Variants in SAPCD1 observed in about 807,000 individuals in gnomAD.
SAPCD1 encodes the protein suppressor APC domain containing 1.
Under a neutral mutation model 20.7 loss-of-function variants are expected in SAPCD1, and 16 were observed. The ratio of observed to expected loss-of-function variants is 0.77; its 90% CI spans 0.52 to 1.17. The LOEUF is 1.17. Ranked by LOEUF, SAPCD1 falls within the 50% of genes most tolerant of loss-of-function variation. SAPCD1 has a pLI of 0.00. For synonymous variants in SAPCD1, 77 were observed against 84.8 expected (o/e 0.91, Z 0.50); for missense variants, 173 against 209.9 (o/e 0.82, Z 1.09).
At position 31,764,564 on chromosome 6, in the gene SAPCD1, G is replaced by C. The variant is rs1480505274; in HGVS notation, c.*33G>C. 6.7e-7 allele frequency: 1 copy of C among 1,491,794 alleles called. No homozygotes were observed. Among genetic ancestry groups the C allele is most frequent in the East Asian group, 2.3e-5 (1 of 44,118 alleles). 92.4% of individuals were successfully genotyped at this position (1,491,794 alleles called of 1,614,324 possible). On this transcript the variant is annotated 3_prime_UTR_variant, in exon 5 of 5. Coordinates refer to ENST00000415669, the Ensembl canonical transcript of SAPCD1. The surrounding 1 kb of genome is among the most constrained non-coding windows in gnomAD (Gnocchi z 4.7). ...TCTCACTCCCCTAAGCCTGGTGAAA[G>C]AGTCAGAAGCCCCAGGCTCCTTTTT...
Position 31,763,451 on chromosome 6 carries a change from GC to G in SAPCD1, c.154del (p.Leu52CysfsTer19), listed in dbSNP as rs1811213389. On this transcript the variant is annotated frameshift_variant, in exon 2 of 5. Transcript: ENST00000415669. LOFTEE classifies it high-confidence loss of function. The surrounding 1 kb of genome is among the most constrained non-coding windows in gnomAD (Gnocchi z 4.9). ...GCAGGCTCTGGAGAGAGAACAGGAT[GC>G]CCTGTGGCAGGGTCTGGAGCTGCTA... 1 of 1,613,070 alleles carries G rather than the reference GC, an allele frequency of 6.2e-7. No homozygotes were observed. Among genetic ancestry groups the G allele is most frequent in the Non-Finnish European group, 8.5e-7 (1 of 1,180,024 alleles).
chr6:31,762,985 A>G, upstream of SAPCD1: 1 of 791,096 alleles, frequency 1.3e-6, no homozygotes, highest in Non-Finnish European at 2.0e-6. Flanking sequence ...GGTGCAAGGC[A>G]GGGGTGGAGG....
Position 31,764,322 on chromosome 6 carries a change from A to G in SAPCD1, c.408A>G (p.Glu136=). ...CCTGCACCACCCAGGATTCAAAGGA[A>G]AGACGAAGGGAGCAGAACTTGTGGC... Residue 136 remains glutamate, a synonymous_variant, in exon 4 of 5, where the codon GAA becomes GAG. Coordinates refer to ENST00000415669, the Ensembl canonical transcript of SAPCD1. This position sits in a 1 kb window ranked among gnomAD's most constrained non-coding sequence, Gnocchi z 4.7. The G allele has an allele frequency of 6.2e-7, 1 of 1,614,220 alleles. No homozygotes were observed. Among genetic ancestry groups the G allele is most frequent in the Non-Finnish European group, 8.5e-7 (1 of 1,180,022 alleles).
rs762511877 is a variant in SAPCD1 at position 31,764,560 on chromosome 6, G to C, written c.*29G>C. The C allele has an allele frequency of 6.7e-7, 1 of 1,501,316 alleles. No individual in the cohort carries two copies. The highest frequency in any genetic ancestry group is 1.4e-5 in the African/African-American group (1 of 71,680). 93.0% of individuals were successfully genotyped at this position (1,501,316 alleles called of 1,614,324 possible). ...CTCCTCTCACTCCCCTAAGCCTGGT[G>C]AAAGAGTCAGAAGCCCCAGGCTCCT... On this transcript the variant is annotated 3_prime_UTR_variant, in exon 5 of 5. Coordinates refer to ENST00000415669, the Ensembl canonical transcript of SAPCD1. The surrounding 1 kb of genome is among the most constrained non-coding windows in gnomAD (Gnocchi z 4.7).
Position 31,764,195 on chromosome 6 carries a change from G to T in SAPCD1, c.351+36G>T, listed in dbSNP as rs774821253. The stretch of plus-strand genomic sequence containing the variant: ...TGTTTTCAGTTTAGACTTTTGGGAA[G>T]TTGGACTAGAGAGGGGAGTTGTTGG... On this transcript the variant is annotated intron_variant, in intron 3 of 4. Transcript: ENST00000415669. The surrounding 1 kb of genome is among the most constrained non-coding windows in gnomAD (Gnocchi z 4.7). 132 of 1,604,532 alleles carry T rather than the reference G, an allele frequency of 8.2e-5. No individual in the cohort carries two copies. The highest frequency in any genetic ancestry group is 1.0e-4 in the Non-Finnish European group (122 of 1,171,380).
rs1012995215 is a variant in SAPCD1, at chr6:31,763,963, C to T, written c.256-101C>T. 6.0e-5 allele frequency: 49 copies of T among 817,290 alleles called. No homozygotes were observed. In the East Asian group the frequency reaches 1.0e-3, roughly 17 times the overall value. 50.6% of individuals were successfully genotyped at this position (817,290 alleles called of 1,614,324 possible). On this transcript the variant is annotated intron_variant, in intron 2 of 4. Coordinates refer to ENST00000415669, the Ensembl canonical transcript of SAPCD1. The surrounding 1 kb of genome is among the most constrained non-coding windows in gnomAD (Gnocchi z 4.9). ...CCACCTGCCTGGGAGGGTACTGGGA[C>T]GAGGGGATCCAGATGAGAGGGATGG...
chr6:31,763,969 G>T lies in SAPCD1; in HGVS notation c.256-95G>T. Reference sequence around the variant, plus strand: ...GCCTGGGAGGGTACTGGGACGAGGGGATCCAGATGAGAGGGATGGCCTGTG... The same window carrying T: ...GCCTGGGAGGGTACTGGGACGAGGGTATCCAGATGAGAGGGATGGCCTGTG... On this transcript the variant is annotated intron_variant, in intron 2 of 4. Transcript: ENST00000415669. The surrounding 1 kb of genome is among the most constrained non-coding windows in gnomAD (Gnocchi z 4.9). 1.2e-6 allele frequency: 1 copy of T among 852,382 alleles called. No homozygotes were observed. The highest frequency in any genetic ancestry group is 2.0e-6 in the Non-Finnish European group (1 of 496,592). The allele number at this position is 852,382 out of a possible 1,614,324, so 52.8% of individuals were successfully genotyped here. A position where few individuals can be genotyped will look rare whatever the true frequency, so the allele number is the denominator to read the frequency against.
chr6:31,764,626 G>A lies in SAPCD1; in HGVS notation c.*95G>A. On this transcript the variant is annotated 3_prime_UTR_variant, in exon 5 of 5. Coordinates refer to ENST00000415669, the Ensembl canonical transcript of SAPCD1. This position sits in a 1 kb window ranked among gnomAD's most constrained non-coding sequence, Gnocchi z 4.7. ...CTCAACAGCTAAAAAATGGCTCCAG[G>A]TAGTGAGTCAATGAAGTTCAGACAT... 3.7e-6 allele frequency: 3 copies of A among 812,612 alleles called. No individual in the cohort carries two copies. Among genetic ancestry groups the A allele is most frequent in the Non-Finnish European group, 5.9e-6 (3 of 508,850 alleles). 50.3% of individuals were successfully genotyped at this position (812,612 alleles called of 1,614,324 possible).
At position 31,764,210 on chromosome 6, in the gene SAPCD1, G is replaced by A. The variant is rs761501090; in HGVS notation, c.351+51G>A. ...CTTTTGGGAAGTTGGACTAGAGAGGGGAGTTGTTGGGGTCAGTGCTGGCTT... is the reference window on the plus strand; with the variant it reads ...CTTTTGGGAAGTTGGACTAGAGAGGAGAGTTGTTGGGGTCAGTGCTGGCTT... On this transcript the variant is annotated intron_variant, in intron 3 of 4. Transcript: ENST00000415669. The surrounding 1 kb of genome is among the most constrained non-coding windows in gnomAD (Gnocchi z 4.7). 1 of 1,598,778 alleles carries A rather than the reference G, an allele frequency of 6.3e-7. No homozygotes were observed. The highest frequency in any genetic ancestry group is 8.6e-7 in the Non-Finnish European group (1 of 1,165,962).
Position 31,764,074 on chromosome 6 carries a change from C to G in SAPCD1, c.266C>G (p.Thr89Arg), listed in dbSNP as rs772054465. 2 of 1,612,524 alleles carry G rather than the reference C, an allele frequency of 1.2e-6. No individual in the cohort carries two copies. Among genetic ancestry groups the G allele is most frequent in the Middle Eastern group, 1.7e-4 (1 of 6,054 alleles). ...CAACTCCTCCTCTAGAATTTTCTAA[C>G]AGATTTACACTCAGAGCCTGGTCGC... The change falls in exon 3 of 5, where the codon ACA becomes AGA. Residue 89 changes from threonine (T) to arginine (R), a missense_variant. By Grantham distance (71) the Thr-to-Arg change is moderately conservative. Transcript: ENST00000415669. The surrounding 1 kb of genome is among the most constrained non-coding windows in gnomAD (Gnocchi z 4.7).
Position 31,764,653 on chromosome 6 carries a change from T to C in SAPCD1, c.*122T>C. On this transcript the variant is annotated 3_prime_UTR_variant, in exon 5 of 5. Coordinates refer to ENST00000415669, the Ensembl canonical transcript of SAPCD1. The surrounding 1 kb of genome is among the most constrained non-coding windows in gnomAD (Gnocchi z 4.7). ...AGTGAGTCAATGAAGTTCAGACATG[T>C]TGGTGTAAAGTTTCTCCTCTGCTCC... 1.5e-6 allele frequency: 1 copy of C among 671,670 alleles called. No individual in the cohort carries two copies. 41.6% of individuals were successfully genotyped at this position (671,670 alleles called of 1,614,324 possible). A position where few individuals can be genotyped will look rare whatever the true frequency, so the allele number is the denominator to read the frequency against.
chr6:31,763,227 T>C lies in SAPCD1; in HGVS notation c.114+59T>C, dbSNP rs1307727320. ...ACTCTCTCAATAGATCTGCCCTTTA[T>C]ATTTCCATTCAACTTGAGGGCCCAC... On this transcript the variant is annotated intron_variant, in intron 1 of 4. Transcript: ENST00000415669. The surrounding 1 kb of genome is among the most constrained non-coding windows in gnomAD (Gnocchi z 4.9). The C allele has an allele frequency of 1.6e-6, 2 of 1,226,038 alleles. No individual in the cohort carries two copies. The highest frequency in any genetic ancestry group is 2.3e-6 in the Non-Finnish European group (2 of 864,294). The allele number at this position is 1,226,038 out of a possible 1,614,324, so 75.9% of individuals were successfully genotyped here.
Position 31,763,343 on chromosome 6 carries a change from G to A in SAPCD1, c.115-72G>A. ...GACCACACAGTGAACCCAACTAGGG[G>A]TGGAGAGAAAGGGCCATAACCCAGA... On this transcript the variant is annotated intron_variant, in intron 1 of 4. Coordinates refer to ENST00000415669, the Ensembl canonical transcript of SAPCD1. The surrounding 1 kb of genome is among the most constrained non-coding windows in gnomAD (Gnocchi z 4.9). The A allele has an allele frequency of 6.3e-7, 1 of 1,592,982 alleles. No homozygotes were observed.
chr6:31,762,786 G>GA, upstream of SAPCD1: 1 of 546,128 alleles, frequency 1.8e-6, no homozygotes, highest in East Asian at 3.0e-5. Flanking sequence ...TGTTGTTGCT[G>GA]TAGGAAGACT....
At chr6:31,762,941 G>C (rs1811155767), upstream of SAPCD1, 2 of 611,422 alleles carry the variant, frequency 3.3e-6, no homozygotes, top group Non-Finnish European at 5.8e-6. Flanking sequence ...AGACACAGCA[G>C]GAAGGGGCCT....
rs1194847535 is a variant in SAPCD1, at chr6:31,763,531, G to A, written c.231G>A (p.Gln77=). ...ATCTGAGGGAGGCACAGCGACAGCA[G>A]CTGCATCTAGGGGCCCTTGGTGAGG... Residue 77 remains glutamine (Q), a synonymous_variant, in exon 2 of 5, where the codon CAG becomes CAA. Transcript: ENST00000415669. This position sits in a 1 kb window ranked among gnomAD's most constrained non-coding sequence, Gnocchi z 4.9. 1.2e-6 allele frequency: 2 copies of A among 1,612,482 alleles called. No individual in the cohort carries two copies. Among genetic ancestry groups the A allele is most frequent in the South Asian group, 1.1e-5 (1 of 91,062 alleles).
rs570215398 is a variant in SAPCD1 at position 31,764,340 on chromosome 6, C to T, written c.426C>T (p.Asn142=). The change falls in exon 4 of 5, where the codon AAC becomes AAT. Residue 142 remains asparagine (N), a synonymous_variant. Transcript: ENST00000415669. This position sits in a 1 kb window ranked among gnomAD's most constrained non-coding sequence, Gnocchi z 4.7. ...CAAAGGAAAGACGAAGGGAGCAGAA[C>T]TTGTGGCAGCAACAGGTAAACTTCA... 1 of 1,614,112 alleles carries T rather than the reference C, an allele frequency of 6.2e-7. No individual in the cohort carries two copies. The highest frequency in any genetic ancestry group is 1.1e-5 in the South Asian group (1 of 91,082).
Position 31,763,290 on chromosome 6 carries a change from C to T in SAPCD1, c.114+122C>T. 7.3e-7 allele frequency: 1 copy of T among 1,361,294 alleles called. No individual in the cohort carries two copies. The highest frequency in any genetic ancestry group is 1.0e-6 in the Non-Finnish European group (1 of 968,152). 84.3% of individuals were successfully genotyped at this position (1,361,294 alleles called of 1,614,324 possible). ...TGCCTCCCCTTGCCCTCCAGGTCCT[C>T]AGTGGCCAGTCTGGGTTCACACTCA... On this transcript the variant is annotated intron_variant, in intron 1 of 4. Coordinates refer to ENST00000415669, the Ensembl canonical transcript of SAPCD1. This position sits in a 1 kb window ranked among gnomAD's most constrained non-coding sequence, Gnocchi z 4.9.
At position 31,763,261 on chromosome 6, in the gene SAPCD1, C is replaced by T. The variant is rs1811198248; in HGVS notation, c.114+93C>T. 3 of 1,225,282 alleles carry T rather than the reference C, an allele frequency of 2.4e-6. No individual in the cohort carries two copies. Among genetic ancestry groups the T allele is most frequent in the Non-Finnish European group, 3.5e-6 (3 of 855,724 alleles). The allele number at this position is 1,225,282 out of a possible 1,614,324, so 75.9% of individuals were successfully genotyped here. ...TCAACTTGAGGGCCCACAGTGTTCC[C>T]GCCTGCCTCCCCTTGCCCTCCAGGT... On this transcript the variant is annotated intron_variant, in intron 1 of 4. Transcript: ENST00000415669. The surrounding 1 kb of genome is among the most constrained non-coding windows in gnomAD (Gnocchi z 4.9).
Sources: gnomAD v4.1 joint callset for allele counts on GRCh38, gnomAD v4.1.1 for gene constraint, Gnocchi (gnomAD v3.1) non-coding constraint, MANE v1.5 for transcripts, NCBI Gene and HGNC (gene_info 2026-07-23, HGNC 2026-07-21) for gene names.